CDH4: variants seen among roughly 807,000 people sequenced by gnomAD.
The protein encoded by CDH4 is cadherin-4.
Under a neutral mutation model 86.0 loss-of-function variants are expected in CDH4, and 33 were observed. The ratio of observed to expected loss-of-function variants is 0.38; its 90% CI spans 0.29 to 0.51. The LOEUF (loss-of-function observed/expected upper bound fraction) is 0.51. Among genes scored for constraint, CDH4 ranks in the 20% least tolerant of loss-of-function variants. The pLI is 0.86. For synonymous variants in CDH4, 555 were observed against 549.4 expected (o/e 1.01, Z -0.14); for missense variants, 1,114 against 1,307.4 (o/e 0.85, Z 2.28).
Position 61,869,681 on chromosome 20 carries a change from G to A in CDH4, c.878-4047G>A, listed in dbSNP as rs528986229. On this transcript the variant is annotated intron_variant, in intron 6 of 15. Transcript: ENST00000614565. ...CCCTCTCACGTCCACATCCTGGCCC[G>A]CCTTTTCCCCAGGTCCCCAAGCCTC... Among the ~76,000 whole-genome samples the A allele has an allele frequency of 7.2e-5, 11 of 152,232 alleles. No individual in the cohort carries two copies. In the South Asian group the frequency reaches 1.2e-3, roughly 17 times the overall value.
intron 2 of CDH4, among the ~76,000 whole-genome samples, chr20:61,548,034 G>A (rs780301024): frequency 5.9e-5 from 9 of 152,126 alleles, no homozygotes; most frequent in South Asian, 2.1e-4. Context: ...GGCTCTTTGC[G>A]GCAGCATCAA....
intron 2 of CDH4, among the ~76,000 whole-genome samples, chr20:61,557,241 G>A (rs1156734269): frequency 6.6e-6 from 1 of 152,198 alleles, no homozygotes; most frequent in Non-Finnish European, 1.5e-5. Flanking sequence ...TGCAGCCTGT[G>A]TCCCAATGAC....
chr20:61,883,089 C>G (rs939015641), intron 7 of CDH4, among the ~76,000 whole-genome samples: 1 of 151,738 alleles, frequency 6.6e-6, no homozygotes, highest in African/African-American at 2.4e-5. Flanking sequence ...CGGCCCCATT[C>G]CCCCGGCACC....
intron 2 of CDH4, among the ~76,000 whole-genome samples, chr20:61,365,805 G>A (rs28385449): frequency 0.32 from 48,510 of 151,978 alleles, 9,533 homozygotes; most frequent in Non-Finnish European, 0.45. Context: ...CTTTGAGAAC[G>A]CTCAGATCAA....
At chr20:61,805,916 GGA>G (rs1386562893) in intron 4 of CDH4, among the ~76,000 whole-genome samples, 2 of 152,172 alleles carry the variant, frequency 1.3e-5, no homozygotes, top group Non-Finnish European at 2.9e-5. Flanking sequence ...TATATGCTCA[GGA>G]GAGACCCACC....
At chr20:61,857,621 T>G (rs1983077465) in intron 6 of CDH4, among the ~76,000 whole-genome samples, 1 of 152,278 alleles carries the variant, frequency 6.6e-6, no homozygotes, top group African/African-American at 2.4e-5. Flanking sequence ...TTCGCCACTT[T>G]CGTCTGCTGC....
chr20:61,520,375 C>T (rs1376286168), intron 2 of CDH4, among the ~76,000 whole-genome samples: 2 of 152,242 alleles, frequency 1.3e-5, no homozygotes, highest in African/African-American at 2.4e-5. Flanking sequence ...AATGCCACAT[C>T]CATCCCTTGA....
chr20:61,546,743 C>G (rs2086089961), intron 2 of CDH4, among the ~76,000 whole-genome samples: 1 of 152,100 alleles, frequency 6.6e-6, no homozygotes. Flanking sequence ...GAGAAATTCA[C>G]CAGGAGGACC....
chr20:61,421,461 C>G (rs1472215247), intron 2 of CDH4, among the ~76,000 whole-genome samples: 1 of 152,148 alleles, frequency 6.6e-6, no homozygotes, highest in Admixed American at 6.5e-5. Context: ...ATAGGAAATG[C>G]AAAACAGTCA....
chr20:61,847,504 G>A (rs953841136), intron 5 of CDH4, among the ~76,000 whole-genome samples: 19 of 152,186 alleles, frequency 1.2e-4, no homozygotes, highest in African/African-American at 3.1e-4. Flanking sequence ...GGAATCCAGC[G>A]CCCCCACCAC....
chr20:61,906,285 G>A (rs974315698), intron 8 of CDH4, among the ~76,000 whole-genome samples: 15 of 152,202 alleles, frequency 9.9e-5, no homozygotes, highest in African/African-American at 3.1e-4. Flanking sequence ...AAGCAGCCAC[G>A]GGTGATATGT....
chr20:61,633,158 TCATCCACCCATC>T (rs1359301780), intron 2 of CDH4, among the ~76,000 whole-genome samples: 72 of 130,700 alleles, frequency 5.5e-4, no homozygotes, highest in South Asian at 1.8e-3. Flanking sequence ...ATCCACCCAT[TCATCCACCCATC>T]CATCCACCCA....
chr20:61,921,010 CGTT>C (rs1159563826), intron 9 of CDH4, among the ~76,000 whole-genome samples: 2 of 139,070 alleles, frequency 1.4e-5, no homozygotes, highest in South Asian at 2.4e-4. Context: ...TGCATGGAAG[CGTT>C]GTGTCACAGT....
chr20:61,518,965 T>TATCCATCC lies in CDH4; in HGVS notation c.170-224589_170-224582dup, dbSNP rs556658629. ...TTCATTCATCTATCCATCCATTATTTATCCATCCATCCATCCTTCATCCAT... is the reference window on the plus strand; with the variant it reads ...TTCATTCATCTATCCATCCATTATTTATCCATCCATCCATCCATCCATCCTTCATCCAT... On this transcript the variant is annotated intron_variant, in intron 2 of 15. Coordinates refer to ENST00000614565, the MANE Select transcript of CDH4 (RefSeq NM_001794.5). This position sits in a 1 kb window ranked among gnomAD's most constrained non-coding sequence, Gnocchi z 6.3. Among the ~76,000 whole-genome samples, 1 of 129,566 alleles carries TATCCATCC rather than the reference T, an allele frequency of 7.7e-6. No homozygotes were observed. Among genetic ancestry groups the TATCCATCC allele is most frequent in the Non-Finnish European group, 1.7e-5 (1 of 59,790 alleles). 85.0% of individuals were successfully genotyped at this position (129,566 alleles called of 152,430 possible).
intron 4 of CDH4, among the ~76,000 whole-genome samples, chr20:61,809,835 G>A (rs1601010992): frequency 6.6e-6 from 1 of 152,348 alleles, no homozygotes; most frequent in African/African-American, 2.4e-5. Context: ...GGTGTCTAGA[G>A]TGAGGACGGT....
intron 2 of CDH4, among the ~76,000 whole-genome samples, chr20:61,547,350 C>T (rs1555865701): frequency 1.3e-5 from 2 of 151,846 alleles, no homozygotes; most frequent in Admixed American, 6.6e-5. Flanking sequence ...GTAGCTGGGA[C>T]TACAGGCACC....
chr20:61,533,364 C>T (rs565541056), intron 2 of CDH4, among the ~76,000 whole-genome samples: 12 of 152,322 alleles, frequency 7.9e-5, no homozygotes, highest in Admixed American at 5.2e-4. Context: ...GGCCCCTGGT[C>T]AAGTGGGTGT....
intron 2 of CDH4, among the ~76,000 whole-genome samples, chr20:61,498,287 C>T (rs556050446): frequency 5.3e-5 from 8 of 152,196 alleles, no homozygotes; most frequent in Admixed American, 1.3e-4. Context: ...GTGTTCCCAC[C>T]GGTTGGCCGG....
At chr20:61,322,465 G>C (rs1374803669) in intron 2 of CDH4, among the ~76,000 whole-genome samples, 6 of 152,132 alleles carry the variant, frequency 3.9e-5, no homozygotes, top group Non-Finnish European at 8.8e-5. Flanking sequence ...TGGCATGAAG[G>C]GAGAAAGAAG....
Sources: gnomAD v4.1 joint callset for allele counts (sites outside exome capture counted in the v4.1 genomes callset) on GRCh38, gnomAD v4.1.1 for gene constraint, Gnocchi (gnomAD v3.1) non-coding constraint, MANE v1.5 for transcripts, NCBI Gene and HGNC (gene_info 2026-07-23, HGNC 2026-07-21) for gene names.